The following CADPS2 variants were observed in gnomAD, a reference collection of about 807,000 sequenced individuals.
CADPS2 encodes the protein calcium dependent secretion activator 2, also known as calcium-dependent secretion activator 2.
A neutral mutation model predicts 172.5 loss-of-function variants in CADPS2; 93 were observed. The ratio of observed to expected loss-of-function variants is 0.54; its 90% CI spans 0.46 to 0.64. The LOEUF is 0.64. Among genes scored for constraint, CADPS2 ranks in the 30% least tolerant of loss-of-function variants. The pLI, the probability that CADPS2 is intolerant of heterozygous loss-of-function variation, is 0.00. For synonymous variants in CADPS2, 546 were observed against 555.2 expected, an observed-to-expected ratio of 0.98 and a Z score of 0.23; for missense variants, 1,420 against 1,565.9, an observed-to-expected ratio of 0.91 and a Z score of 1.57.
chr7:122,558,796 C>T (rs1219510846), intron 7 of CADPS2, among the ~76,000 whole-genome samples: 2 of 152,070 alleles, frequency 1.3e-5, no homozygotes, highest in African/African-American at 2.4e-5. Flanking sequence ...TACTGAGATA[C>T]CTGATTGAGG....
chr7:122,742,434 A>G (rs2092532593), intron 1 of CADPS2, among the ~76,000 whole-genome samples: 3 of 152,124 alleles, frequency 2.0e-5, no homozygotes, highest in Non-Finnish European at 4.4e-5. Flanking sequence ...TTTGATATAA[A>G]AATTCAAAAG....
chr7:122,578,188 T>C (rs2068302413), intron 7 of CADPS2, among the ~76,000 whole-genome samples: 1 of 151,640 alleles, frequency 6.6e-6, no homozygotes, highest in African/African-American at 2.4e-5. Flanking sequence ...ATACCAACAA[T>C]ATACATTATT....
chr7:122,562,013 A>T (rs1232453595), intron 7 of CADPS2, among the ~76,000 whole-genome samples: 1 of 152,188 alleles, frequency 6.6e-6, no homozygotes, highest in African/African-American at 2.4e-5. Context: ...AAAAGTCTTG[A>T]TAACTAAATT....
At chr7:122,510,109 T>C (rs1396900945) in intron 9 of CADPS2, among the ~76,000 whole-genome samples, 7 of 152,110 alleles carry the variant, frequency 4.6e-5, no homozygotes, top group Admixed American at 4.6e-4. Context: ...TTAAGTACTT[T>C]ACACCAATGA....
At chr7:122,753,362 T>G (rs1205159291) in intron 1 of CADPS2, among the ~76,000 whole-genome samples, 1 of 152,144 alleles carries the variant, frequency 6.6e-6, no homozygotes, top group Non-Finnish European at 1.5e-5. Flanking sequence ...AGAGGAAACT[T>G]TAAACTTTTT....
At chr7:122,571,180 T>G (rs2067210771) in intron 7 of CADPS2, among the ~76,000 whole-genome samples, 1 of 151,986 alleles carries the variant, frequency 6.6e-6, no homozygotes, top group African/African-American at 2.4e-5. Context: ...AGTTAAAAAC[T>G]GGGGAAAATA....
chr7:122,780,734 C>T (rs1180680182), intron 1 of CADPS2, among the ~76,000 whole-genome samples: 1 of 152,142 alleles, frequency 6.6e-6, no homozygotes, highest in Non-Finnish European at 1.5e-5. Context: ...TCTCTAACTC[C>T]TGGGCACAAG....
At chr7:122,700,761 C>T (rs1194838354) in intron 2 of CADPS2, among the ~76,000 whole-genome samples, 1 of 152,078 alleles carries the variant, frequency 6.6e-6, no homozygotes, top group Non-Finnish European at 1.5e-5. Context: ...GAAGCATTTA[C>T]TAAGGACACT....
intron 1 of CADPS2, among the ~76,000 whole-genome samples, chr7:122,849,226 GCTTT>G (rs1490399347): frequency 6.6e-6 from 1 of 152,116 alleles, no homozygotes; most frequent in Non-Finnish European, 1.5e-5. Context: ...AAAATTTTAA[GCTTT>G]GTTTACAAAG....
At chr7:122,732,901 A>G (rs1259381372) in intron 2 of CADPS2, among the ~76,000 whole-genome samples, 3 of 145,946 alleles carry the variant, frequency 2.1e-5, no homozygotes, top group East Asian at 2.0e-4. Context: ...TATATTATAT[A>G]ATATACATTA....
At chr7:122,659,948 A>C (rs185629501) in intron 3 of CADPS2, among the ~76,000 whole-genome samples, 1 of 152,190 alleles carries the variant, frequency 6.6e-6, no homozygotes, top group Non-Finnish European at 1.5e-5. Flanking sequence ...GGACTTTCTC[A>C]AACAAAAACT....
intron 18 of CADPS2, among the ~76,000 whole-genome samples, chr7:122,414,932 G>C (rs1273761461): frequency 1.3e-5 from 2 of 152,116 alleles, no homozygotes; most frequent in Non-Finnish European, 2.9e-5. Flanking sequence ...TAAAAGCACT[G>C]TCAGGGCACT....
At chr7:122,560,060 G>T (rs2065547879) in intron 7 of CADPS2, among the ~76,000 whole-genome samples, 1 of 152,122 alleles carries the variant, frequency 6.6e-6, no homozygotes, top group Non-Finnish European at 1.5e-5. Context: ...GGAGACCTGA[G>T]CAGGAAAAAG....
chr7:122,660,142 G>T (rs1028759765), intron 3 of CADPS2, among the ~76,000 whole-genome samples: 15 of 152,052 alleles, frequency 9.9e-5, no homozygotes, highest in Admixed American at 3.9e-4. Flanking sequence ...TGAGCTAAAA[G>T]ATAACTGTTC....
chr7:122,720,134 T>C (rs528366193), intron 2 of CADPS2, among the ~76,000 whole-genome samples: 4 of 152,148 alleles, frequency 2.6e-5, no homozygotes, highest in East Asian at 3.9e-4. Flanking sequence ...GTAAAACCAA[T>C]AGAACGTCAT....
At chr7:122,879,968 C>A (rs1375962066) in intron 1 of CADPS2, among the ~76,000 whole-genome samples, 1 of 152,140 alleles carries the variant, frequency 6.6e-6, no homozygotes. Flanking sequence ...AATTAATAAA[C>A]AAGTCATTTT....
chr7:122,492,319 A>G (rs944998769), intron 9 of CADPS2, among the ~76,000 whole-genome samples: 2 of 152,166 alleles, frequency 1.3e-5, no homozygotes, highest in African/African-American at 4.8e-5. Flanking sequence ...AGCCAGTGAC[A>G]ACATTGCCAA....
chr7:122,837,473 A>T (rs1414919499), intron 1 of CADPS2, among the ~76,000 whole-genome samples: 1 of 152,198 alleles, frequency 6.6e-6, no homozygotes, highest in Non-Finnish European at 1.5e-5. Context: ...CCCTTCCAAA[A>T]ATCAGTGAAT....
intron 7 of CADPS2, among the ~76,000 whole-genome samples, chr7:122,557,947 C>G (rs1267579776): frequency 6.6e-6 from 1 of 152,148 alleles, no homozygotes; most frequent in African/African-American, 2.4e-5. Flanking sequence ...CTTTACCCCA[C>G]TTTATTCCAC....
Sources: allele counts gnomAD v4.1 joint callset (sites outside exome capture counted in the v4.1 genomes callset), GRCh38; gene constraint gnomAD v4.1.1; transcripts MANE v1.5; gene names NCBI Gene and HGNC (gene_info 2026-07-23, HGNC 2026-07-21).